The following GKAP1 variants were observed in gnomAD, a reference collection of about 807,000 sequenced individuals.
GKAP1 encodes G kinase anchoring protein 1.
In GKAP1, 31 loss-of-function variants were observed where a neutral mutation model predicts 56.7. The ratio of observed to expected loss-of-function variants is 0.55; its 90% CI spans 0.41 to 0.74. The LOEUF (loss-of-function observed/expected upper bound fraction) is 0.74, where lower values mean the gene tolerates loss of function less well. Ranked by LOEUF, GKAP1 falls within the 30% of genes least tolerant of loss-of-function variation. GKAP1 has a pLI of 0.00. For missense variants in GKAP1, 364 were observed against 402.3 expected (o/e 0.90, Z 0.82); for synonymous variants, 151 against 138.6 (o/e 1.09, Z -0.63).
chr9:83,808,744 T>C (rs1159044171), intron 2 of GKAP1, among the ~76,000 whole-genome samples: 1 of 152,246 alleles, frequency 6.6e-6, no homozygotes, highest in Non-Finnish European at 1.5e-5. Context: ...TGTTCACAAA[T>C]ATTCACTGTC....
At chr9:83,804,035 A>G (rs1944381849) in intron 3 of GKAP1, among the ~76,000 whole-genome samples, 1 of 146,732 alleles carries the variant, frequency 6.8e-6, no homozygotes. Context: ...CCGTCTGAGA[A>G]GTAAGGAGCC....
At chr9:83,772,161 T>G in intron 7 of GKAP1, among the ~76,000 whole-genome samples, 1 of 152,036 alleles carries the variant, frequency 6.6e-6, no homozygotes, top group African/African-American at 2.4e-5. Context: ...GTCTAGCCAA[T>G]TCAATTTCAG....
At chr9:83,773,736 T>C (rs1943802854) in intron 7 of GKAP1, among the ~76,000 whole-genome samples, 1 of 152,188 alleles carries the variant, frequency 6.6e-6, no homozygotes, top group Non-Finnish European at 1.5e-5. Flanking sequence ...TTTTGTTTGG[T>C]TTCTTAACTT....
intron 7 of GKAP1, 116 bp from the exon 8 acceptor site, chr9:83,769,086 G>A: frequency 7.3e-6 from 5 of 683,566 alleles, no homozygotes; most frequent in Admixed American, 3.1e-5. Flanking sequence ...ACCACTAGAA[G>A]GATAAAAAAA....
chr9:83,803,347 T>A (rs1179642810), intron 3 of GKAP1, among the ~76,000 whole-genome samples: 1 of 151,554 alleles, frequency 6.6e-6, no homozygotes. Flanking sequence ...CACTGCAACC[T>A]CCCTGCCTGA....
At chr9:83,807,790 C>G (rs2131325061) in intron 2 of GKAP1, among the ~76,000 whole-genome samples, 1 of 152,292 alleles carries the variant, frequency 6.6e-6, no homozygotes, top group African/African-American at 2.4e-5. Context: ...CACACAGGTC[C>G]ACCCTATTCA....
At chr9:83,753,081 C>A (rs58420893) in intron 9 of GKAP1, among the ~76,000 whole-genome samples, 177 bp downstream of exon 9, 79,336 of 148,984 alleles carry the variant, frequency 0.53, 22,035 homozygotes, top group Admixed American at 0.68. Flanking sequence ...ACAACAACAA[C>A]ATAAATAAAT....
At chr9:83,784,111 C>T (rs1361731064) in intron 6 of GKAP1, among the ~76,000 whole-genome samples, 2 of 151,364 alleles carry the variant, frequency 1.3e-5, no homozygotes, top group Non-Finnish European at 1.5e-5. Flanking sequence ...CTAAAAAATA[C>T]AAAAGACTAG....
At chr9:83,816,588 T>C (rs1486340683) in intron 2 of GKAP1, among the ~76,000 whole-genome samples, 1 of 152,258 alleles carries the variant, frequency 6.6e-6, no homozygotes, top group Non-Finnish European at 1.5e-5. Context: ...AAAAAGCTTC[T>C]CAAATATTTT....
chr9:83,760,061 A>T (rs1943543265), intron 8 of GKAP1, among the ~76,000 whole-genome samples: 1 of 152,104 alleles, frequency 6.6e-6, no homozygotes, highest in Non-Finnish European at 1.5e-5. Context: ...CTTCTTCTTC[A>T]TCTCTGCATG....
chr9:83,746,429 G>A (rs541826653), intron 10 of GKAP1, among the ~76,000 whole-genome samples: 33 of 152,252 alleles, frequency 2.2e-4, no homozygotes, highest in Non-Finnish European at 3.4e-4. Flanking sequence ...CTAGCTGGGC[G>A]TGGTGGCTCA....
Position 83,780,407 on chromosome 9 carries a change from G to A in GKAP1, c.563-3C>T. ...CTCAGTCTTTTTACTAATGTGATCT[G>A]TAAATGAAAAAGAAACAAAGATGAA... On this transcript the variant is annotated splice_polypyrimidine_tract_variant and splice_region_variant and intron_variant, in intron 6 of 12. Transcript: ENST00000376371. 4 of 1,086,820 alleles carry A rather than the reference G, an allele frequency of 3.7e-6. No individual in the cohort carries two copies. The highest frequency in any genetic ancestry group is 4.9e-6 in the Non-Finnish European group (4 of 817,752). The allele number at this position is 1,086,820 out of a possible 1,614,324, so 67.3% of individuals were successfully genotyped here.
intron 8 of GKAP1, among the ~76,000 whole-genome samples, chr9:83,758,122 C>T (rs1029893818): frequency 1.3e-5 from 2 of 152,146 alleles, no homozygotes; most frequent in Non-Finnish European, 2.9e-5. Flanking sequence ...ATCTCACATC[C>T]TGCTGCTAGA....
intron 6 of GKAP1, among the ~76,000 whole-genome samples, chr9:83,781,836 T>C (rs902836442): frequency 2.1e-5 from 3 of 145,846 alleles, no homozygotes; most frequent in African/African-American, 7.4e-5. Flanking sequence ...TTTAATAAAA[T>C]GTATTTCTTC....
chr9:83,792,402 G>A (rs1330477251), intron 4 of GKAP1, among the ~76,000 whole-genome samples: 1 of 152,104 alleles, frequency 6.6e-6, no homozygotes, highest in African/African-American at 2.4e-5. Flanking sequence ...GATATAAACT[G>A]GAATATTAGA....
At position 83,817,611 on chromosome 9, in the gene GKAP1, G is replaced by A. The variant is rs1203161722; in HGVS notation, c.-270C>T. 6.6e-6 allele frequency: 1 copy of A among 151,576 alleles called. No homozygotes were observed. Among genetic ancestry groups the A allele is most frequent in the Non-Finnish European group, 1.5e-5 (1 of 67,922 alleles). The allele number at this position is 151,576 out of a possible 1,614,324, so 9.4% of individuals were successfully genotyped here. A position where few individuals can be genotyped will look rare whatever the true frequency, so the allele number is the denominator to read the frequency against. On this transcript the variant is annotated 5_prime_UTR_variant, in exon 1 of 13. Transcript: ENST00000376371. ...CCCGGGCGGCCGCACTGGGCGTTGG[G>A]ACTGGTCTGGGTCAAGTGTCGGCAG...
chr9:83,761,110 A>T (rs1274283511), intron 8 of GKAP1, among the ~76,000 whole-genome samples: 1 of 151,804 alleles, frequency 6.6e-6, no homozygotes, highest in East Asian at 1.9e-4. Flanking sequence ...TGAAAAATTA[A>T]ACTTGAAAAA....
chr9:83,749,208 G>T (rs1408516495), intron 9 of GKAP1: 1 of 149,064 alleles, frequency 6.7e-6, no homozygotes, highest in Non-Finnish European at 1.5e-5. Context: ...AACACTCTCT[G>T]TATCACTTAT....
intron 3 of GKAP1, 70 bp from the exon 4 acceptor site, chr9:83,799,398 A>T (rs1385648874): frequency 5.6e-6 from 6 of 1,075,832 alleles, no homozygotes; most frequent in South Asian, 1.5e-5. Context: ...TTTTTTAATT[A>T]AAAAAAAACC....
Sources: allele counts gnomAD v4.1 joint callset (sites outside exome capture counted in the v4.1 genomes callset), GRCh38; gene constraint gnomAD v4.1.1; transcripts MANE v1.5; gene names NCBI Gene and HGNC (gene_info 2026-07-23, HGNC 2026-07-21).